GPC5: variants seen among roughly 807,000 people sequenced by gnomAD.
GPC5 encodes the protein glypican-5.
GPC5 carries 47 observed loss-of-function variants against 53.9 expected under a neutral mutation model. The ratio of observed to expected loss-of-function variants is 0.87; its 90% CI spans 0.69 to 1.11. GPC5 has a LOEUF of 1.11. Ranked by LOEUF, GPC5 falls within the 50% of genes most tolerant of loss-of-function variation. GPC5 has a pLI of 0.00. For synonymous variants in GPC5, 286 were observed against 263.3 expected (o/e 1.09, Z -0.84); for missense variants, 748 against 713.1 (o/e 1.05, Z -0.56).
chr13:91,922,931 A>C (rs2039730488), intron 6 of GPC5, among the ~76,000 whole-genome samples: 1 of 152,166 alleles, frequency 6.6e-6, no homozygotes, highest in Non-Finnish European at 1.5e-5. Flanking sequence ...TCTGGGTGTT[A>C]ACTTAAATTC....
intron 7 of GPC5, among the ~76,000 whole-genome samples, chr13:92,292,905 C>T (rs2043007748): frequency 6.6e-6 from 1 of 151,910 alleles, no homozygotes; most frequent in Non-Finnish European, 1.5e-5. Context: ...TATCCCAGCA[C>T]CATTTGTTGA....
intron 7 of GPC5, among the ~76,000 whole-genome samples, chr13:92,658,428 T>C (rs1171583598): frequency 1.3e-5 from 2 of 152,232 alleles, no homozygotes; most frequent in African/African-American, 4.8e-5. Flanking sequence ...AGAATGATAA[T>C]GTGACATGTA....
intron 6 of GPC5, among the ~76,000 whole-genome samples, chr13:92,078,378 T>C (rs1054187564): frequency 4.6e-5 from 7 of 152,200 alleles, no homozygotes; most frequent in African/African-American, 1.7e-4. Flanking sequence ...TTCAGAAGAC[T>C]TGTTAATATT....
chr13:91,429,003 T>A (rs1456665335), intron 1 of GPC5, among the ~76,000 whole-genome samples: 2 of 152,194 alleles, frequency 1.3e-5, no homozygotes, highest in East Asian at 1.9e-4. Flanking sequence ...CACTGCAACC[T>A]CTGCCTCCTG....
chr13:91,920,316 G>A (rs1009431890), intron 6 of GPC5, among the ~76,000 whole-genome samples: 7 of 152,042 alleles, frequency 4.6e-5, no homozygotes, highest in African/African-American at 1.2e-4. Flanking sequence ...TTCAATAGAA[G>A]CATTGGAAGG....
chr13:92,651,258 T>TGGA (rs754880965), intron 7 of GPC5, among the ~76,000 whole-genome samples: 25 of 150,894 alleles, frequency 1.7e-4, no homozygotes, highest in Non-Finnish European at 2.5e-4. Context: ...AAAAATAGAG[T>TGGA]TACTTTGTAG....
At position 92,561,421 on chromosome 13, in the gene GPC5, T is replaced by C. The variant is rs549333556; in HGVS notation, c.1562-304861T>C. ...TGTGAACTTGAACAAGTCACTTAAA[T>C]GCTCAATGCCTTAGTTTCTTCTATT... On this transcript the variant is annotated intron_variant, in intron 7 of 7. Coordinates refer to ENST00000377067, the MANE Select transcript of GPC5 (RefSeq NM_004466.6). Among the ~76,000 whole-genome samples the C allele has an allele frequency of 4.6e-5, 7 of 152,180 alleles. No individual in the cohort carries two copies. In the South Asian group the frequency reaches 8.3e-4, roughly 18 times the overall value.
intron 6 of GPC5, among the ~76,000 whole-genome samples, chr13:92,053,519 C>A (rs192284780): frequency 2.9e-3 from 437 of 152,150 alleles, no homozygotes; most frequent in Non-Finnish European, 5.3e-3. Flanking sequence ...TTCTTTTTTT[C>A]TCTCTCTTCC....
intron 7 of GPC5, among the ~76,000 whole-genome samples, chr13:92,683,243 G>C (rs772248574): frequency 6.6e-6 from 1 of 152,136 alleles, no homozygotes; most frequent in African/African-American, 2.4e-5. Flanking sequence ...GAGAGAAAAC[G>C]TAGAGGAGGA....
chr13:91,977,785 T>C (rs745413980), intron 6 of GPC5, among the ~76,000 whole-genome samples: 1 of 152,126 alleles, frequency 6.6e-6, no homozygotes, highest in Non-Finnish European at 1.5e-5. Context: ...TAGTTACTGT[T>C]ACACAATTGC....
chr13:92,640,059 T>G (rs955786044), intron 7 of GPC5, among the ~76,000 whole-genome samples: 7 of 151,876 alleles, frequency 4.6e-5, no homozygotes, highest in African/African-American at 1.7e-4. Flanking sequence ...CAAATGTAGC[T>G]AAGCAAAGAA....
chr13:91,647,355 C>T (rs16946366), intron 2 of GPC5, among the ~76,000 whole-genome samples: 25,324 of 152,088 alleles, frequency 0.17, 2,370 homozygotes, highest in East Asian at 0.29. Context: ...TGTTTCTTGT[C>T]GTTATTTAAA....
chr13:91,653,772 ATTAGAC>A (rs760474611), intron 2 of GPC5, among the ~76,000 whole-genome samples: 3 of 152,170 alleles, frequency 2.0e-5, no homozygotes, highest in Non-Finnish European at 4.4e-5. Flanking sequence ...CACATCTTAT[ATTAGAC>A]TTAGAATTTT....
At position 92,140,361 on chromosome 13, in the gene GPC5, G is replaced by T. The variant is rs975271401; in HGVS notation, c.1402-4469G>T. 1.2e-4 allele frequency among the ~76,000 whole-genome samples: 18 copies of T among 152,224 alleles called. No homozygotes were observed. The East Asian group carries it at 2.1e-3, about 18-fold the overall frequency. On this transcript the variant is annotated intron_variant, in intron 6 of 7. Transcript: ENST00000377067. ...GAACCTTGACTTCTGGGCCAAATTT[G>T]AACTTTTTTCTTGGCGTCATTTCTA...
intron 7 of GPC5, among the ~76,000 whole-genome samples, chr13:92,552,440 G>A (rs1242691331): frequency 1.3e-5 from 2 of 151,828 alleles, no homozygotes; most frequent in Non-Finnish European, 1.5e-5. Flanking sequence ...TATTTGAAGA[G>A]CAAGAAAATT....
chr13:92,029,479 C>G (rs979470138), intron 6 of GPC5, among the ~76,000 whole-genome samples: 1 of 152,174 alleles, frequency 6.6e-6, no homozygotes, highest in Admixed American at 6.5e-5. Context: ...GCTCTTTTCT[C>G]TCACTTCTTC....
rs2039707254 is a variant in GPC5, at chr13:91,920,935, T to C, written c.1401+12878T>C. Among the ~76,000 whole-genome samples the C allele has an allele frequency of 7.1e-5, 9 of 126,666 alleles. No individual in the cohort carries two copies. In the South Asian group the frequency reaches 1.9e-3, roughly 26 times the overall value. 83.1% of individuals were successfully genotyped at this position (126,666 alleles called of 152,430 possible). On this transcript the variant is annotated intron_variant, in intron 6 of 7. Transcript: ENST00000377067. ...CTCTCTCTCTCTCTCTCTTTTTTTT[T>C]TTTTTTTTTTTTTTTTTTTTGAGAT...
intron 7 of GPC5, among the ~76,000 whole-genome samples, chr13:92,642,431 T>A (rs565371485): frequency 6.6e-6 from 1 of 152,334 alleles, no homozygotes; most frequent in South Asian, 2.1e-4. Flanking sequence ...CCGTACTCAG[T>A]GTTCCCTCGA....
rs764337359 is a variant in GPC5 at position 92,866,284 on chromosome 13, A to T, written c.1564A>T (p.Met522Leu). 1.2e-6 allele frequency: 2 copies of T among 1,609,276 alleles called. No homozygotes were observed. Among genetic ancestry groups the T allele is most frequent in the South Asian group, 2.2e-5 (2 of 90,622 alleles). ...VKRTLKITDW[M>L]PDDMNFSDVK... Reference sequence around the variant, plus strand: ...TGCTTTCTTATTTGCCTCTACAGGGATGCCAGATGATATGAACTTCAGTGA... The same window carrying T: ...TGCTTTCTTATTTGCCTCTACAGGGTTGCCAGATGATATGAACTTCAGTGA... Residue 522 changes from methionine (M) to leucine (L), a missense_variant and splice_region_variant, in exon 8 of 8, where the codon ATG (methionine) becomes TTG (leucine). Coordinates refer to ENST00000377067, the MANE Select transcript of GPC5 (RefSeq NM_004466.6).
Sources: gnomAD v4.1 joint callset for allele counts (sites outside exome capture counted in the v4.1 genomes callset) on GRCh38, gnomAD v4.1.1 for gene constraint, MANE v1.5 for transcripts, NCBI Gene and HGNC (gene_info 2026-07-23, HGNC 2026-07-21) for gene names.